The following LRP1B variants were observed in gnomAD, a reference collection of about 807,000 sequenced individuals.
LRP1B encodes the protein low-density lipoprotein receptor-related protein 1B.
Under a neutral mutation model 556.6 loss-of-function variants are expected in LRP1B, and 217 were observed. The observed-to-expected ratio is 0.39, with a 90% CI of 0.35 to 0.44. The LOEUF (loss-of-function observed/expected upper bound fraction) is 0.44. Among genes scored for constraint, LRP1B ranks in the 20% least tolerant of loss-of-function variants. The pLI, the probability that LRP1B is intolerant of heterozygous loss-of-function variation, is 1.00. For missense variants in LRP1B, 5,053 were observed against 5,620.8 expected, an observed-to-expected ratio of 0.90 and a Z score of 3.23; for synonymous variants, 2,047 against 1,865.8, an observed-to-expected ratio of 1.10 and a Z score of -2.50.
At chr2:140,777,186 C>T (rs1689528378) in intron 32 of LRP1B, among the ~76,000 whole-genome samples, 2 of 152,104 alleles carry the variant, frequency 1.3e-5, no homozygotes, top group South Asian at 4.1e-4. Flanking sequence ...CAATTTCTAC[C>T]TAGAAGTTAA....
intron 59 of LRP1B, among the ~76,000 whole-genome samples, chr2:140,476,882 T>C (rs1462224253): frequency 6.6e-6 from 1 of 152,040 alleles, no homozygotes. Flanking sequence ...CTCCCTAGTG[T>C]TTTTGTATAT....
intron 1 of LRP1B, among the ~76,000 whole-genome samples, chr2:141,860,937 C>A (rs1263488756): frequency 6.6e-6 from 1 of 152,102 alleles, no homozygotes; most frequent in Non-Finnish European, 1.5e-5. Context: ...TTGGCAAATT[C>A]TTTGCTTTTC....
At chr2:140,951,973 C>A (rs2105303153) in intron 18 of LRP1B, 33 bp from the exon 19 acceptor site, 1 of 1,437,970 alleles carries the variant, frequency 7.0e-7, no homozygotes, top group Middle Eastern at 1.7e-4. Flanking sequence ...CAAAAGGTAA[C>A]ATGTTATTGA....
intron 21 of LRP1B, among the ~76,000 whole-genome samples, chr2:140,908,333 CTA>C (rs201032924): frequency 0.042 from 5,847 of 140,126 alleles, 191 homozygotes; most frequent in South Asian, 0.1. Context: ...CTCTCTCTCT[CTA>C]TATATATATA....
At chr2:141,122,200 T>G (rs1701070657) in intron 7 of LRP1B, among the ~76,000 whole-genome samples, 1 of 152,084 alleles carries the variant, frequency 6.6e-6, no homozygotes, top group African/African-American at 2.4e-5. Context: ...GGCAAGGACT[T>G]CATGTCTAAA....
chr2:140,527,638 G>A (rs2104974371), intron 47 of LRP1B, among the ~76,000 whole-genome samples: 1 of 151,270 alleles, frequency 6.6e-6, no homozygotes, highest in African/African-American at 2.4e-5. Context: ...AACAGATAAT[G>A]CTATTGTAAG....
At chr2:141,131,238 G>A (rs921884578) in intron 7 of LRP1B, among the ~76,000 whole-genome samples, 18 of 151,578 alleles carry the variant, frequency 1.2e-4, no homozygotes, top group Middle Eastern at 3.4e-3. Flanking sequence ...AAAAACATTG[G>A]TATATCTATT....
At position 141,916,633 on chromosome 2, in the gene LRP1B, C is replaced by T. The variant is rs189176528; in HGVS notation, c.83-106232G>A. ...TCCTGACCTCGTGATCCGCCCTCCT[C>T]AGCCTCCCAAAGTGCTAGGATTACA... On this transcript the variant is annotated intron_variant, in intron 1 of 90. Transcript: ENST00000389484. Among the ~76,000 whole-genome samples, 172 of 151,558 alleles carry T rather than the reference C, an allele frequency of 1.1e-3. 3 individuals are homozygous for T. In the East Asian group the frequency reaches 0.027, roughly 24 times the overall value.
intron 7 of LRP1B, among the ~76,000 whole-genome samples, chr2:141,129,876 G>T (rs1701306618): frequency 6.6e-6 from 1 of 151,028 alleles, no homozygotes; most frequent in Non-Finnish European, 1.5e-5. Context: ...TGATTGTACT[G>T]TTCACATGGA....
intron 41 of LRP1B, among the ~76,000 whole-genome samples, chr2:140,678,164 C>A (rs1276075254): frequency 6.6e-6 from 1 of 152,216 alleles, no homozygotes; most frequent in East Asian, 1.9e-4. Context: ...AGGCAATTTA[C>A]TGAATACCTC....
chr2:140,803,634 T>C (rs1343837389), intron 32 of LRP1B, among the ~76,000 whole-genome samples: 1 of 151,756 alleles, frequency 6.6e-6, no homozygotes. Flanking sequence ...ATGCAAAACC[T>C]CTCACAGTAA....
rs565241344 is a variant in LRP1B at position 140,731,111 on chromosome 2, A to G, written c.5759-14295T>C. On this transcript the variant is annotated intron_variant, in intron 35 of 90. Transcript: ENST00000389484. ...TTTAGTAGGAAACTATTACTCAGACATTAAGACTCATATTCTTCCTCTGCC... is the reference window on the plus strand; with the variant it reads ...TTTAGTAGGAAACTATTACTCAGACGTTAAGACTCATATTCTTCCTCTGCC... Among the ~76,000 whole-genome samples, 4 of 152,282 alleles carry G rather than the reference A, an allele frequency of 2.6e-5. No homozygotes were observed. In the South Asian group the frequency reaches 8.3e-4, roughly 32 times the overall value.
At chr2:141,401,713 C>A (rs910979576) in intron 3 of LRP1B, among the ~76,000 whole-genome samples, 7 of 152,170 alleles carry the variant, frequency 4.6e-5, no homozygotes, top group Admixed American at 1.3e-4. Flanking sequence ...ATCAGTTTGG[C>A]AACACCCTTG....
intron 2 of LRP1B, among the ~76,000 whole-genome samples, chr2:141,615,555 TTATA>T (rs1559178604): frequency 7.2e-6 from 1 of 139,620 alleles, no homozygotes; most frequent in African/African-American, 2.5e-5. Context: ...TTATAAAATT[TTATA>T]TTTAATATAA....
intron 3 of LRP1B, among the ~76,000 whole-genome samples, chr2:141,355,674 C>T (rs1179748605): frequency 6.6e-6 from 1 of 152,008 alleles, no homozygotes; most frequent in African/African-American, 2.4e-5. Flanking sequence ...ATTAAAACTC[C>T]AAACATCAGA....
intron 2 of LRP1B, among the ~76,000 whole-genome samples, chr2:141,505,619 C>A (rs2105141283): frequency 1.3e-5 from 2 of 151,986 alleles, no homozygotes; most frequent in East Asian, 3.9e-4. Context: ...ATTTTGTCCT[C>A]ACTAACTAAA....
chr2:140,468,738 CT>C (rs1406692441), intron 60 of LRP1B, among the ~76,000 whole-genome samples: 1 of 152,248 alleles, frequency 6.6e-6, no homozygotes, highest in Non-Finnish European at 1.5e-5. Flanking sequence ...CAGCTTTCCC[CT>C]TCTTCTGAGC....
chr2:140,969,059 A>T (rs1696325989), intron 18 of LRP1B, among the ~76,000 whole-genome samples: 1 of 152,080 alleles, frequency 6.6e-6, no homozygotes, highest in South Asian at 2.1e-4. Flanking sequence ...CTTGGTGCAG[A>T]GTTGAGTTCA....
At chr2:140,697,662 T>C (rs10203055) in intron 41 of LRP1B, among the ~76,000 whole-genome samples, 127,083 of 152,010 alleles carry the variant, frequency 0.84, 53,180 homozygotes, top group Middle Eastern at 0.87. Flanking sequence ...GAAAACACTA[T>C]GCTAAGTGAA....
Sources: allele counts gnomAD v4.1 joint callset (sites outside exome capture counted in the v4.1 genomes callset), GRCh38; gene constraint gnomAD v4.1.1; transcripts MANE v1.5; gene names NCBI Gene and HGNC (gene_info 2026-07-23, HGNC 2026-07-21).